Variants in CADM2 observed in about 807,000 individuals in gnomAD.
CADM2 encodes immunoglobulin superfamily member 4D.
In CADM2, 12 loss-of-function variants were observed where a neutral mutation model predicts 49.8. The ratio of observed to expected loss-of-function variants is 0.24; its 90% CI spans 0.15 to 0.39. The LOEUF is 0.39. CADM2 is among the 10% of genes least tolerant of loss of function. The pLI is 1.00. For synonymous variants in CADM2, 214 were observed against 175.4 expected (o/e 1.22, Z -1.74); for missense variants, 378 against 492.3 (o/e 0.77, Z 2.20).
At chr3:85,341,995 A>T (rs955235929) in intron 1 of CADM2, among the ~76,000 whole-genome samples, 13 of 152,172 alleles carry the variant, frequency 8.5e-5, no homozygotes, top group Non-Finnish European at 1.8e-4. Context: ...TGGCAACAAA[A>T]GCCAAAATTG....
chr3:85,135,275 G>T (rs1265671055), intron 1 of CADM2, among the ~76,000 whole-genome samples: 1 of 151,696 alleles, frequency 6.6e-6, no homozygotes, highest in Non-Finnish European at 1.5e-5. Context: ...TCTATCACTG[G>T]TAATGTAAAC....
intron 1 of CADM2, among the ~76,000 whole-genome samples, chr3:85,336,992 T>A (rs1471568862): frequency 3.5e-5 from 3 of 86,262 alleles, no homozygotes; most frequent in Non-Finnish European, 5.6e-5. Flanking sequence ...ATATATATAT[T>A]TAATATATAT....
intron 1 of CADM2, among the ~76,000 whole-genome samples, chr3:85,636,355 A>G (rs2064482394): frequency 6.6e-6 from 1 of 152,226 alleles, no homozygotes; most frequent in South Asian, 2.1e-4. Flanking sequence ...GTTACTTTTA[A>G]AAAATGAAAA....
chr3:85,858,109 A>T (rs774270212), intron 3 of CADM2, among the ~76,000 whole-genome samples: 3 of 152,202 alleles, frequency 2.0e-5, no homozygotes, highest in Non-Finnish European at 2.9e-5. Flanking sequence ...AAATTGTAGT[A>T]TGAAGCCTCA....
intron 1 of CADM2, among the ~76,000 whole-genome samples, chr3:85,474,969 G>T (rs1264284706): frequency 1.3e-5 from 2 of 151,794 alleles, no homozygotes; most frequent in Non-Finnish European, 2.9e-5. Flanking sequence ...ACATTGCTCT[G>T]AGCAAAATCA....
intron 1 of CADM2, among the ~76,000 whole-genome samples, chr3:85,409,386 C>T (rs563331531): frequency 2.0e-4 from 30 of 152,168 alleles, no homozygotes; most frequent in Admixed American, 1.1e-3. Flanking sequence ...TGGTCAGCAT[C>T]ATATTAAGTA....
At chr3:85,231,901 G>A (rs2042297569) in intron 1 of CADM2, among the ~76,000 whole-genome samples, 2 of 151,372 alleles carry the variant, frequency 1.3e-5, no homozygotes, top group African/African-American at 2.4e-5. Flanking sequence ...TTTTAGTAGA[G>A]ATGGGGTTTC....
At chr3:85,052,698 G>A (rs975728321) in intron 1 of CADM2, among the ~76,000 whole-genome samples, 15 of 152,016 alleles carry the variant, frequency 9.9e-5, no homozygotes, top group Non-Finnish European at 1.8e-4. Context: ...TTTTTCAATC[G>A]TTCCCTTGAA....
rs2070293964 is a variant in CADM2 at position 85,775,079 on chromosome 3, A to C, written c.89-26968A>C. On this transcript the variant is annotated intron_variant, in intron 2 of 9. Coordinates refer to ENST00000383699, the MANE Select transcript of CADM2 (RefSeq NM_001167675.2). The stretch of plus-strand genomic sequence containing the variant: ...ATAGCACTTTTATCATGTGATTTTC[A>C]TAAACCTACATCAAAAATAAGGAGT... 2.6e-5 allele frequency among the ~76,000 whole-genome samples: 4 copies of C among 151,786 alleles called. No individual in the cohort carries two copies. The South Asian group carries it at 8.3e-4, about 31-fold the overall frequency.
chr3:85,729,746 A>T (rs2067853112), intron 2 of CADM2, among the ~76,000 whole-genome samples: 1 of 152,170 alleles, frequency 6.6e-6, no homozygotes, highest in South Asian at 2.1e-4. Context: ...TATGACACAG[A>T]TGTCTTTTAA....
At chr3:85,117,211 A>G (rs1324183692) in intron 1 of CADM2, among the ~76,000 whole-genome samples, 2 of 151,336 alleles carry the variant, frequency 1.3e-5, no homozygotes. Flanking sequence ...ACAGAGCAAG[A>G]CTCAGTCTCA....
At chr3:85,631,332 A>G (rs1407880095) in intron 1 of CADM2, among the ~76,000 whole-genome samples, 1 of 152,146 alleles carries the variant, frequency 6.6e-6, no homozygotes, top group African/African-American at 2.4e-5. Flanking sequence ...TAGATACTAT[A>G]GAAGAGCTTA....
chr3:85,440,780 C>T (rs192433811), intron 1 of CADM2, among the ~76,000 whole-genome samples: 263 of 152,080 alleles, frequency 1.7e-3, no homozygotes, highest in African/African-American at 5.9e-3. Context: ...GTCAGGAGTT[C>T]AAGACCAGTC....
At chr3:85,629,323 A>G (rs1452959982) in intron 1 of CADM2, among the ~76,000 whole-genome samples, 1 of 151,956 alleles carries the variant, frequency 6.6e-6, no homozygotes, top group Non-Finnish European at 1.5e-5. Flanking sequence ...GAAGCCTACT[A>G]AAATAAATAG....
At chr3:85,227,049 TG>T (rs970509982) in intron 1 of CADM2, among the ~76,000 whole-genome samples, 6 of 152,166 alleles carry the variant, frequency 3.9e-5, no homozygotes, top group African/African-American at 1.4e-4. Context: ...TTCCAATATG[TG>T]GTCAATTTTA....
At chr3:84,994,621 TCTTAC>T (rs2033075592) in intron 1 of CADM2, among the ~76,000 whole-genome samples, 1 of 152,216 alleles carries the variant, frequency 6.6e-6, no homozygotes, top group African/African-American at 2.4e-5. Context: ...TTTCCTGTTT[TCTTAC>T]CTTAACATTA....
intron 1 of CADM2, among the ~76,000 whole-genome samples, chr3:85,065,898 G>A (rs1173353128): frequency 6.6e-6 from 1 of 152,064 alleles, no homozygotes; most frequent in East Asian, 1.9e-4. Flanking sequence ...TTTACTTTAA[G>A]CTGTAACAAT....
At chr3:85,357,203 C>T (rs997402255) in intron 1 of CADM2, among the ~76,000 whole-genome samples, 24 of 152,078 alleles carry the variant, frequency 1.6e-4, no homozygotes, top group African/African-American at 5.8e-4. Context: ...CTTGTCAACA[C>T]TCCATCGCCC....
chr3:85,554,093 A>G (rs1219506912), intron 1 of CADM2, among the ~76,000 whole-genome samples: 1 of 151,404 alleles, frequency 6.6e-6, no homozygotes, highest in Non-Finnish European at 1.5e-5. Flanking sequence ...TGGGGAAAAC[A>G]ATTTTTCCAC....
Sources: allele counts gnomAD v4.1 joint callset (sites outside exome capture counted in the v4.1 genomes callset), GRCh38; gene constraint gnomAD v4.1.1; transcripts MANE v1.5; gene names NCBI Gene and HGNC (gene_info 2026-07-23, HGNC 2026-07-21).